The following TRERF1 variants were observed in gnomAD, a reference collection of about 807,000 sequenced individuals.
The protein encoded by TRERF1 is transcriptional regulating factor 1.
A neutral mutation model predicts 122.9 loss-of-function variants in TRERF1; 27 were observed. That is an observed-to-expected ratio of 0.22 (90% CI 0.16 to 0.30). The LOEUF (loss-of-function observed/expected upper bound fraction) is 0.30. TRERF1 is among the 10% of genes least tolerant of loss of function. The pLI, the probability that TRERF1 is intolerant of heterozygous loss-of-function variation, is 1.00. For missense variants in TRERF1, 1,248 were observed against 1,560.3 expected (o/e 0.80, Z 3.37); for synonymous variants, 636 against 641.7 (o/e 0.99, Z 0.13).
chr6:42,269,695 G>T lies in TRERF1; in HGVS notation c.-105C>A. ...CTGAGAAGCTGAGAGAAAAGTGTCAGCACTACTCCACGGCTGACATGTCTG... is the reference window on the plus strand; with the variant it reads ...CTGAGAAGCTGAGAGAAAAGTGTCATCACTACTCCACGGCTGACATGTCTG... On this transcript the variant is annotated 5_prime_UTR_variant, in exon 5 of 18. In the 5' UTR this introduces an upstream ATG that the reference lacks. Coordinates refer to ENST00000372922, the Ensembl canonical transcript of TRERF1. The surrounding 1 kb of genome is among the most constrained non-coding windows in gnomAD (Gnocchi z 4.9). The T allele has an allele frequency of 6.8e-7, 1 of 1,474,984 alleles. No individual in the cohort carries two copies. Among genetic ancestry groups the T allele is most frequent in the Non-Finnish European group, 9.0e-7 (1 of 1,116,458 alleles). The allele number at this position is 1,474,984 out of a possible 1,614,324, so 91.4% of individuals were successfully genotyped here.
At chr6:42,245,676 G>A (rs903350081) in intron 14 of TRERF1, among the ~76,000 whole-genome samples, 3 of 152,162 alleles carry the variant, frequency 2.0e-5, no homozygotes, top group Non-Finnish European at 2.9e-5. Flanking sequence ...TGCTGTATAC[G>A]CAAGGTATTT....
At chr6:42,285,907 A>C (rs1289300917) in intron 4 of TRERF1, among the ~76,000 whole-genome samples, 4 of 151,360 alleles carry the variant, frequency 2.6e-5, no homozygotes, top group Admixed American at 2.6e-4. Context: ...ACAAGGCTAC[A>C]GTAACCAAAA....
At chr6:42,330,634 G>C (rs1338122781) in intron 3 of TRERF1, among the ~76,000 whole-genome samples, 2 of 152,126 alleles carry the variant, frequency 1.3e-5, no homozygotes, top group African/African-American at 4.8e-5. Flanking sequence ...TATGCCTAAA[G>C]ATTTAGCTGC....
chr6:42,297,516 T>C (rs941468931), intron 4 of TRERF1, among the ~76,000 whole-genome samples: 2 of 152,134 alleles, frequency 1.3e-5, no homozygotes, highest in Non-Finnish European at 2.9e-5. Flanking sequence ...CAAAATTCAT[T>C]CGACTTGGTG....
intron 2 of TRERF1, among the ~76,000 whole-genome samples, chr6:42,424,144 T>C (rs1783260885): frequency 6.6e-6 from 1 of 152,244 alleles, no homozygotes; most frequent in African/African-American, 2.4e-5. Flanking sequence ...GGCATTTGGC[T>C]TTCCAGTGTT....
chr6:42,287,247 C>T (rs1230662410), intron 4 of TRERF1, among the ~76,000 whole-genome samples: 2 of 147,560 alleles, frequency 1.4e-5, no homozygotes, highest in African/African-American at 2.5e-5. Flanking sequence ...ACATATGTAA[C>T]TAACCTGCAC....
intron 2 of TRERF1, among the ~76,000 whole-genome samples, chr6:42,383,227 T>C (rs192426163): frequency 1.3e-5 from 2 of 152,242 alleles, no homozygotes; most frequent in African/African-American, 4.8e-5. Context: ...TGAGACCTTG[T>C]CTTGAAAAAC....
intron 2 of TRERF1, among the ~76,000 whole-genome samples, chr6:42,363,507 C>T (rs2150969473): frequency 6.6e-6 from 1 of 152,226 alleles, no homozygotes; most frequent in South Asian, 2.1e-4. Flanking sequence ...TTGTCCCACT[C>T]CTCCCCTCAC....
rs1262426380 is a variant in TRERF1, at chr6:42,391,703, GC to G, written c.-453-28625del. ...TGGCCACCACAGAGCTCATTCTTCT[GC>G]CCCCACCTTCACCCTCAGCCTTCCC... On this transcript the variant is annotated intron_variant, in intron 2 of 17. Coordinates refer to ENST00000372922, the Ensembl canonical transcript of TRERF1. 3.9e-5 allele frequency among the ~76,000 whole-genome samples: 6 copies of G among 152,118 alleles called. No homozygotes were observed. In the East Asian group the frequency reaches 1.2e-3, roughly 29 times the overall value.
chr6:42,261,988 G>C (rs1212342633), intron 8 of TRERF1, among the ~76,000 whole-genome samples: 6 of 152,060 alleles, frequency 3.9e-5, no homozygotes, highest in African/African-American at 1.4e-4. Flanking sequence ...AAGGGGTGGG[G>C]GGGGTGTGCC....
At chr6:42,372,576 C>T (rs940769713) in intron 2 of TRERF1, among the ~76,000 whole-genome samples, 1 of 152,192 alleles carries the variant, frequency 6.6e-6, no homozygotes, top group Non-Finnish European at 1.5e-5. Flanking sequence ...AGAAAACTCA[C>T]GACCTAGGAT....
chr6:42,408,528 G>A (rs1343026550), intron 2 of TRERF1, among the ~76,000 whole-genome samples: 2 of 151,074 alleles, frequency 1.3e-5, no homozygotes, highest in African/African-American at 4.9e-5. Flanking sequence ...ACAGACATGT[G>A]CCAACACACC....
intron 2 of TRERF1, among the ~76,000 whole-genome samples, chr6:42,440,129 G>C (rs921957598): frequency 2.0e-5 from 3 of 152,136 alleles, no homozygotes; most frequent in Non-Finnish European, 4.4e-5. Context: ...ACCTTCCTTA[G>C]AATAACAGCT....
At chr6:42,447,667 AG>A (rs1787765208) in intron 2 of TRERF1, among the ~76,000 whole-genome samples, 1 of 152,120 alleles carries the variant, frequency 6.6e-6, no homozygotes, top group Non-Finnish European at 1.5e-5. Flanking sequence ...CTGGGGTATA[AG>A]CCACTTGCCT....
At chr6:42,417,900 G>A (rs1338160444) in intron 2 of TRERF1, among the ~76,000 whole-genome samples, 3 of 152,198 alleles carry the variant, frequency 2.0e-5, no homozygotes, top group East Asian at 1.9e-4. Context: ...ACAACCCTGC[G>A]CTGATGCCAC....
At chr6:42,273,676 G>T (rs978748070) in intron 4 of TRERF1, among the ~76,000 whole-genome samples, 7 of 152,230 alleles carry the variant, frequency 4.6e-5, no homozygotes, top group Non-Finnish European at 8.8e-5. Context: ...ACATTTGTAA[G>T]AAAAGGATAA....
At chr6:42,246,195 C>A (rs1012170114) in intron 14 of TRERF1, among the ~76,000 whole-genome samples, 23 of 152,302 alleles carry the variant, frequency 1.5e-4, no homozygotes, top group Middle Eastern at 3.4e-3. Flanking sequence ...TTATGAATTA[C>A]ACATTTTTAT....
At chr6:42,285,908 G>A (rs1783129262) in intron 4 of TRERF1, among the ~76,000 whole-genome samples, 1 of 151,086 alleles carries the variant, frequency 6.6e-6, no homozygotes, top group African/African-American at 2.4e-5. Flanking sequence ...CAAGGCTACA[G>A]TAACCAAAAC....
intron 2 of TRERF1, among the ~76,000 whole-genome samples, chr6:42,435,154 A>G (rs1785125955): frequency 6.6e-6 from 1 of 151,678 alleles, no homozygotes; most frequent in African/African-American, 2.4e-5. Flanking sequence ...AAGAAAGAAA[A>G]TCAAACAAAC....
Sources: allele counts gnomAD v4.1 joint callset (sites outside exome capture counted in the v4.1 genomes callset), GRCh38; gene constraint gnomAD v4.1.1; non-coding constraint Gnocchi (gnomAD v3.1); transcripts MANE v1.5; gene names NCBI Gene and HGNC (gene_info 2026-07-23, HGNC 2026-07-21).